Variants in CABLES1 observed in about 807,000 individuals in gnomAD.
CABLES1 encodes Cdk5 and Abl enzyme substrate 1, also known as CDK5 and ABL1 enzyme substrate 1.
CABLES1 carries 36 observed loss-of-function variants against 57.8 expected under a neutral mutation model. That is an observed-to-expected ratio of 0.62 (90% CI 0.48 to 0.82). The LOEUF is 0.82. Among genes scored for constraint, CABLES1 ranks in the 40% least tolerant of loss-of-function variants. The probability of loss-of-function intolerance (pLI) is 0.00; values close to 1 mark genes in which losing one functional copy is unlikely to be tolerated. For synonymous variants in CABLES1, 374 were observed against 363.0 expected, an observed-to-expected ratio of 1.03 and a Z score of -0.35; for missense variants, 767 against 836.6, an observed-to-expected ratio of 0.92 and a Z score of 1.03.
chr18:23,212,760 C>G (rs1244264450), intron 3 of CABLES1, among the ~76,000 whole-genome samples: 1 of 152,096 alleles, frequency 6.6e-6, no homozygotes, highest in Non-Finnish European at 1.5e-5. Context: ...GAATTGGAGA[C>G]AGCACCAAAA....
rs1328728049 is a variant in CABLES1, at chr18:23,138,285, C to G, written c.845+1678C>G. On this transcript the variant is annotated intron_variant, in intron 1 of 9. Coordinates refer to ENST00000256925, the MANE Select transcript of CABLES1 (RefSeq NM_001100619.3). Reference sequence around the variant, plus strand: ...ATCTTGTGTGTTCGCATTTCTGAACCAAAGAATATCCAGAACGCCACCTCC... The same window carrying G: ...ATCTTGTGTGTTCGCATTTCTGAACGAAAGAATATCCAGAACGCCACCTCC... 3.9e-5 allele frequency among the ~76,000 whole-genome samples: 6 copies of G among 152,220 alleles called. No homozygotes were observed. In the East Asian group the frequency reaches 1.2e-3, roughly 29 times the overall value.
chr18:23,181,885 CATA>C (rs2047169488), intron 1 of CABLES1, among the ~76,000 whole-genome samples: 2 of 152,164 alleles, frequency 1.3e-5, no homozygotes, highest in African/African-American at 4.8e-5. Context: ...TTTATTTGGT[CATA>C]ATAACTGTCT....
At chr18:23,166,181 C>G (rs913400360) in intron 1 of CABLES1, among the ~76,000 whole-genome samples, 6 of 151,746 alleles carry the variant, frequency 4.0e-5, no homozygotes, top group Admixed American at 6.6e-5. Context: ...GTATTTATAT[C>G]TCTATGTATA....
At chr18:23,247,597 A>G (rs2047928991) in intron 7 of CABLES1, among the ~76,000 whole-genome samples, 1 of 152,222 alleles carries the variant, frequency 6.6e-6, no homozygotes, top group Non-Finnish European at 1.5e-5. Context: ...TGGATGCTGG[A>G]GAAGCCAGAG....
At chr18:23,200,925 A>G (rs2047320643) in intron 3 of CABLES1, among the ~76,000 whole-genome samples, 1 of 152,210 alleles carries the variant, frequency 6.6e-6, no homozygotes, top group South Asian at 2.1e-4. Flanking sequence ...AGCATGTGGT[A>G]TTCCCGCCAG....
In CABLES1 at chr18:23,219,047, A is replaced by ACC. The variant is rs201981403; in HGVS notation, c.1088+4999_1088+5000dup. On this transcript the variant is annotated intron_variant, in intron 4 of 9. Transcript: ENST00000256925. ...TGCTATGTAAAATTTCTTTATCCCC[A>ACC]CCCCCCCGCAAGTGCCTTGCCATAC... 3.3e-4 allele frequency: 124 copies of ACC among 379,722 alleles called. 1 individual carries two copies. The highest frequency in any genetic ancestry group is 1.6e-3 in the South Asian group (83 of 52,736). 23.5% of individuals were successfully genotyped at this position (379,722 alleles called of 1,614,324 possible).
At chr18:23,213,832 A>G (rs907047473) in intron 3 of CABLES1, 145 bp from the exon 4 acceptor site, 9 of 588,192 alleles carry the variant, frequency 1.5e-5, no homozygotes, top group African/African-American at 1.3e-4. Context: ...CAAGGAGAGC[A>G]GAATACCATC....
chr18:23,134,894 G>A (rs1029049592), upstream of CABLES1, among the ~76,000 whole-genome samples: 4 of 152,148 alleles, frequency 2.6e-5, no homozygotes, highest in Admixed American at 6.5e-5. Context: ...CTTGGCCTGG[G>A]AATGAATAGA....
intron 3 of CABLES1, among the ~76,000 whole-genome samples, chr18:23,206,010 G>A (rs2047360522): frequency 6.6e-6 from 1 of 152,280 alleles, no homozygotes; most frequent in South Asian, 2.1e-4. Flanking sequence ...TGGAGCATGG[G>A]CCTGCTGACA....
At chr18:23,194,043 T>G (rs2047264311) in intron 2 of CABLES1, among the ~76,000 whole-genome samples, 1 of 152,204 alleles carries the variant, frequency 6.6e-6, no homozygotes, top group African/African-American at 2.4e-5. Context: ...GTTTTTGAAC[T>G]GAATTTTCCG....
intron 9 of CABLES1, among the ~76,000 whole-genome samples, chr18:23,255,424 G>A (rs2048139110): frequency 6.6e-6 from 1 of 152,130 alleles, no homozygotes; most frequent in African/African-American, 2.4e-5. Context: ...TTAGGTCGGC[G>A]CTTTACAGAT....
At position 23,136,014 on chromosome 18, in the gene CABLES1, G is replaced by A. The variant is rs982659900; in HGVS notation, c.252G>A (p.Glu84=). 13 of 1,139,962 alleles carry A rather than the reference G, an allele frequency of 1.1e-5. No homozygotes were observed. The highest frequency in any genetic ancestry group is 1.3e-5 in the Non-Finnish European group (12 of 930,432). 70.6% of individuals were successfully genotyped at this position (1,139,962 alleles called of 1,614,324 possible). A position where few individuals can be genotyped will look rare whatever the true frequency, so the allele number is the denominator to read the frequency against. ...GCCGGCTGCCGCCGCAGGACGCGGA[G>A]TGGGGCGGTGGCGAGGAGGGCGGCG... ...LDGRLPPQDA[E]WGGGEEGGAA... Residue 84 remains glutamate, a synonymous_variant, in exon 1 of 10, where the codon GAG becomes GAA. Coordinates refer to ENST00000256925, the MANE Select transcript of CABLES1 (RefSeq NM_001100619.3).
At chr18:23,170,078 A>T (rs1224355182) in intron 1 of CABLES1, among the ~76,000 whole-genome samples, 1 of 152,064 alleles carries the variant, frequency 6.6e-6, no homozygotes, top group Non-Finnish European at 1.5e-5. Flanking sequence ...TAAGAGCGGG[A>T]CCTCAGAATG....
At chr18:23,183,176 T>C (rs2047179225) in intron 1 of CABLES1, among the ~76,000 whole-genome samples, 1 of 152,188 alleles carries the variant, frequency 6.6e-6, no homozygotes, top group South Asian at 2.1e-4. Context: ...AAAGTCACTT[T>C]AGAAATACTG....
At chr18:23,251,826 C>G (rs1357562734) in intron 7 of CABLES1, among the ~76,000 whole-genome samples, 1 of 152,136 alleles carries the variant, frequency 6.6e-6, no homozygotes, top group East Asian at 1.9e-4. Context: ...TGGCTCACGC[C>G]TGTAATCCCA....
chr18:23,135,397 C>A (rs575823476), upstream of CABLES1: 9 of 152,360 alleles, frequency 5.9e-5, no homozygotes, highest in Non-Finnish European at 1.3e-4. Flanking sequence ...ATTCCCCACA[C>A]GTGATTCCGT....
In CABLES1 at chr18:23,237,177, A is replaced by G; in HGVS notation, c.1378A>G (p.Asn460Asp). The G allele has an allele frequency of 2.5e-6, 4 of 1,613,858 alleles. No individual in the cohort carries two copies. The highest frequency in any genetic ancestry group is 3.4e-6 in the Non-Finnish European group (4 of 1,179,736). ...DLGDFMDYDP[N>D]LLDDPQWPCG... ...GGGAGACTTTATGGACTATGACCCA[A>G]ATCTCTTGGATGACCCCCAGTGGCC... Residue 460 changes from asparagine to aspartate, a missense_variant, in exon 7 of 10, where the codon AAT becomes GAT. Physicochemically the swap from Asn to Asp is conservative, Grantham distance 23 (BLOSUM62 1). Coordinates refer to ENST00000256925, the MANE Select transcript of CABLES1 (RefSeq NM_001100619.3).
chr18:23,203,753 A>T (rs182800066), intron 3 of CABLES1, among the ~76,000 whole-genome samples: 45 of 152,326 alleles, frequency 3.0e-4, no homozygotes, highest in Admixed American at 2.9e-3. Context: ...TTTTGAAAGA[A>T]GAAAAATGTC....
At chr18:23,257,023 C>A in intron 9 of CABLES1, 1 of 583,442 alleles carries the variant, frequency 1.7e-6, no homozygotes, top group Non-Finnish European at 3.0e-6. Flanking sequence ...CCGGGCAGCC[C>A]CTCGGGAAAG....
Sources: gnomAD v4.1 joint callset for allele counts (sites outside exome capture counted in the v4.1 genomes callset) on GRCh38, gnomAD v4.1.1 for gene constraint, MANE v1.5 for transcripts, NCBI Gene and HGNC (gene_info 2026-07-23, HGNC 2026-07-21) for gene names.